The following PPP1R13B variants were observed in gnomAD, a reference collection of about 807,000 sequenced individuals.
The protein encoded by PPP1R13B is apoptosis-stimulating of p53 protein 1.
Under a neutral mutation model 119.8 loss-of-function variants are expected in PPP1R13B, and 44 were observed. The ratio of observed to expected loss-of-function variants is 0.37; its 90% CI spans 0.29 to 0.47. PPP1R13B has a LOEUF of 0.47. PPP1R13B is among the 20% of genes least tolerant of loss of function. The probability of loss-of-function intolerance (pLI) is 0.99; values close to 1 mark genes in which losing one functional copy is unlikely to be tolerated. For synonymous variants in PPP1R13B, 542 were observed against 561.5 expected (o/e 0.97, Z 0.49); for missense variants, 1,227 against 1,413.5 (o/e 0.87, Z 2.12).
intron 1 of PPP1R13B, among the ~76,000 whole-genome samples, chr14:103,817,151 C>T (rs550717351): frequency 6.6e-6 from 1 of 152,214 alleles, no homozygotes. Flanking sequence ...AGGGAAAATA[C>T]TTAGATGTCC....
intron 1 of PPP1R13B, among the ~76,000 whole-genome samples, chr14:103,838,846 G>A (rs1040093924): frequency 1.3e-5 from 2 of 152,172 alleles, no homozygotes; most frequent in Non-Finnish European, 2.9e-5. Context: ...TTTAAGGTCA[G>A]AGAGCCCACA....
intron 16 of PPP1R13B, 102 bp from the exon 17 acceptor site, chr14:103,735,297 G>C (rs116139900): frequency 1.3e-5 from 14 of 1,106,048 alleles, no homozygotes; most frequent in Non-Finnish European, 2.8e-6. Context: ...CTGGACAGCC[G>C]TGCAGCACCC....
chr14:103,803,600 A>G lies in PPP1R13B; in HGVS notation c.10-6082T>C, dbSNP rs550018047. Among the ~76,000 whole-genome samples the G allele has an allele frequency of 2.6e-5, 4 of 152,270 alleles. No individual in the cohort carries two copies. The East Asian group carries it at 7.7e-4, about 29-fold the overall frequency. On this transcript the variant is annotated intron_variant, in intron 1 of 16. Coordinates refer to ENST00000202556, the MANE Select transcript of PPP1R13B (RefSeq NM_015316.3). ...GGAGCTTGCAGGGAGCCGAGATAGC[A>G]CCACTGCACTCCAGCCTGGGCAACA...
chr14:103,821,432 C>A (rs1480538228), intron 1 of PPP1R13B, among the ~76,000 whole-genome samples: 4 of 152,154 alleles, frequency 2.6e-5, no homozygotes, highest in Non-Finnish European at 5.9e-5. Flanking sequence ...AAAATTGACA[C>A]AGGAACATAT....
intron 3 of PPP1R13B, 53 bp downstream of exon 3, chr14:103,784,742 A>C (rs1004282042): frequency 5.9e-6 from 9 of 1,529,300 alleles, no homozygotes; most frequent in Non-Finnish European, 8.0e-6. Context: ...TATTTTTCTT[A>C]AATTAACTTT....
chr14:103,814,984 A>T (rs1049839814), intron 1 of PPP1R13B, among the ~76,000 whole-genome samples: 13 of 152,194 alleles, frequency 8.5e-5, no homozygotes, highest in African/African-American at 2.9e-4. Context: ...ATAGATGTTT[A>T]TGTAAAAACT....
In PPP1R13B at chr14:103,738,934, G is replaced by A. The variant is rs146666577; in HGVS notation, c.2682C>T (p.Asp894=). Residue 894 remains aspartate, a synonymous_variant, in exon 13 of 17, where the codon GAC becomes GAT. Coordinates refer to ENST00000202556, the MANE Select transcript of PPP1R13B (RefSeq NM_015316.3). This position sits in a 1 kb window ranked among gnomAD's most constrained non-coding sequence, Gnocchi z 5.6. ...GATCGAACTCTCCTTCCAGAGACGC[G>A]TCTAGGAGCAGTGCCAGGGGGTTAA... is the stretch of plus-strand genomic sequence containing the variant. The part of the protein sequence containing the change: ...VRFNPLALLL[D]ASLEGEFDLV... 73 of 1,614,100 alleles carry A rather than the reference G, an allele frequency of 4.5e-5. No homozygotes were observed. Among genetic ancestry groups the A allele is most frequent in the Middle Eastern group, 3.3e-4 (2 of 6,062 alleles).
intron 2 of PPP1R13B, among the ~76,000 whole-genome samples, chr14:103,786,682 T>C (rs2085470266): frequency 6.7e-6 from 1 of 148,232 alleles, no homozygotes; most frequent in African/African-American, 2.5e-5. Flanking sequence ...GAAGAATCAC[T>C]TGAACCTAGG....
At chr14:103,803,830 G>A (rs556798513) in intron 1 of PPP1R13B, among the ~76,000 whole-genome samples, 1 of 152,070 alleles carries the variant, frequency 6.6e-6, no homozygotes, top group South Asian at 2.1e-4. Context: ...AACAAATCCT[G>A]CCCCTTTCTG....
At chr14:103,764,670 T>C (rs2151996159) in intron 4 of PPP1R13B, among the ~76,000 whole-genome samples, 1 of 152,352 alleles carries the variant, frequency 6.6e-6, no homozygotes, top group Non-Finnish European at 1.5e-5. Context: ...ACATTTCTTT[T>C]GAGCTTTTAA....
At chr14:103,769,694 T>G (rs1382735093) in intron 4 of PPP1R13B, among the ~76,000 whole-genome samples, 1 of 152,256 alleles carries the variant, frequency 6.6e-6, no homozygotes, top group East Asian at 1.9e-4. Flanking sequence ...CATTCCTCTT[T>G]GTTCCTATCT....
chr14:103,800,872 C>T (rs570449599), intron 1 of PPP1R13B, among the ~76,000 whole-genome samples: 10 of 151,832 alleles, frequency 6.6e-5, no homozygotes, highest in Middle Eastern at 3.4e-3. Context: ...TTTTTTGAGA[C>T]GGAGTTTCGC....
intron 1 of PPP1R13B, among the ~76,000 whole-genome samples, chr14:103,806,561 T>C (rs145882129): frequency 3.9e-5 from 6 of 152,132 alleles, no homozygotes; most frequent in Non-Finnish European, 5.9e-5. Flanking sequence ...AAAATGAGAA[T>C]TGATGCTAAG....
At chr14:103,843,951 CA>C (rs35687195) in intron 1 of PPP1R13B, among the ~76,000 whole-genome samples, 132 of 132,538 alleles carry the variant, frequency 1.0e-3, no homozygotes, top group Middle Eastern at 4.1e-3. Flanking sequence ...GACTCCGTCT[CA>C]AAAAAAAAAA....
rs1171671725 is a variant in PPP1R13B, at chr14:103,740,390, T to A, written c.2026A>T (p.Thr676Ser). The A allele has an allele frequency of 5.1e-6, 8 of 1,574,346 alleles. No individual in the cohort carries two copies. Among genetic ancestry groups the A allele is most frequent in the Non-Finnish European group, 6.9e-6 (8 of 1,157,372 alleles). Residue 676 changes from threonine to serine, a missense_variant, in exon 12 of 17, where the codon ACG (threonine) becomes TCG (serine). Coordinates refer to ENST00000202556, the MANE Select transcript of PPP1R13B (RefSeq NM_015316.3). The surrounding 1 kb of genome is among the most constrained non-coding windows in gnomAD (Gnocchi z 4.6). ...LPRPLSPTKLTPIVHSPLRYQ... is the reference protein window; with the variant it reads ...LPRPLSPTKLSPIVHSPLRYQ... Reference sequence around the variant, plus strand: ...CGCAGTGGCGAATGCACGATGGGCGTGAGCTTGGTGGGGCTGAGTGGCCGT... The same window carrying A: ...CGCAGTGGCGAATGCACGATGGGCGAGAGCTTGGTGGGGCTGAGTGGCCGT...
chr14:103,803,920 T>G, intron 1 of PPP1R13B: 3 of 467,174 alleles, frequency 6.4e-6, no homozygotes, highest in Non-Finnish European at 8.4e-6. Flanking sequence ...TGACCCAACC[T>G]CAGATAAAGC....
intron 4 of PPP1R13B, chr14:103,764,554 C>A: frequency 4.2e-6 from 1 of 236,630 alleles, no homozygotes; most frequent in Non-Finnish European, 8.9e-6. Context: ...TTATTGTAGT[C>A]AGTAGACATA....
In PPP1R13B at chr14:103,740,147, C is replaced by T. The variant is rs199780919; in HGVS notation, c.2269G>A (p.Asp757Asn). 30 of 1,613,518 alleles carry T rather than the reference C, an allele frequency of 1.9e-5. No individual in the cohort carries two copies. In the East Asian group the frequency reaches 2.7e-4, roughly 14 times the overall value. Reference protein sequence around the residue: ...PSQDFMGTLADVDNGNTNANG... With the variant: ...PSQDFMGTLANVDNGNTNANG... ...GCATTGGTGTTTCCATTGTCCACAT[C>T]GGCCAAGGTGCCCATGAAGTCCTGG... is the stretch of plus-strand genomic sequence containing the variant. The change falls in exon 12 of 17, where the codon GAT becomes AAT. Residue 757 changes from aspartate (D) to asparagine (N), a missense_variant. Physicochemically the swap from Asp to Asn is conservative, Grantham distance 23. Transcript: ENST00000202556. The surrounding 1 kb of genome is among the most constrained non-coding windows in gnomAD (Gnocchi z 4.6).
At chr14:103,816,942 C>A (rs180715799) in intron 1 of PPP1R13B, among the ~76,000 whole-genome samples, 20 of 152,228 alleles carry the variant, frequency 1.3e-4, no homozygotes, top group Middle Eastern at 6.8e-3. Flanking sequence ...AATAGCACCC[C>A]ATCTTTTTAC....
Sources: gnomAD v4.1 joint callset for allele counts (sites outside exome capture counted in the v4.1 genomes callset) on GRCh38, gnomAD v4.1.1 for gene constraint, Gnocchi (gnomAD v3.1) non-coding constraint, MANE v1.5 for transcripts, NCBI Gene and HGNC (gene_info 2026-07-23, HGNC 2026-07-21) for gene names.